Variants in NELL2 observed in about 807,000 individuals in gnomAD.
NELL2 encodes neural EGFL like 2, also known as protein kinase C-binding protein NELL2.
In NELL2, 41 loss-of-function variants were observed where a neutral mutation model predicts 109.6. That is an observed-to-expected ratio of 0.37 (90% confidence interval 0.29 to 0.49). The LOEUF is 0.49. NELL2 is among the 20% of genes least tolerant of loss of function. NELL2 has a pLI of 0.98. For synonymous variants in NELL2, 355 were observed against 344.7 expected, an observed-to-expected ratio of 1.03 and a Z score of -0.33; for missense variants, 900 against 1,008.3, an observed-to-expected ratio of 0.89 and a Z score of 1.45.
rs781308887 is a variant in NELL2, at chr12:44,885,973, CAT to C, written c.39-10075_39-10074del. On this transcript the variant is annotated intron_variant, in intron 1 of 20. Transcript: ENST00000333837. ...ATAAAGTAAAGAGCATAGGAATAGA[CAT>C]ATATATATATAATGGTTAATTGATT... is the stretch of plus-strand genomic sequence containing the variant. Among the ~76,000 whole-genome samples, 1,478 of 150,618 alleles carry C rather than the reference CAT, an allele frequency of 9.8e-3. 41 individuals are homozygous for C. The highest frequency in any genetic ancestry group is 0.033 in the African/African-American group (1,371 of 40,944).
chr12:44,877,007 G>C (rs1945348024), upstream of NELL2: 2 of 547,996 alleles, frequency 3.6e-6, no homozygotes, highest in Non-Finnish European at 5.0e-6. Context: ...GACAGCTCCG[G>C]AACCCGCGCG....
At chr12:44,915,961 A>G (rs574015915), upstream of NELL2, among the ~76,000 whole-genome samples, 1 of 152,342 alleles carries the variant, frequency 6.6e-6, no homozygotes, top group Non-Finnish European at 1.5e-5. Flanking sequence ...GCCTAGGTTC[A>G]GAGTAGTCTA....
intron 9 of NELL2, among the ~76,000 whole-genome samples, chr12:44,729,952 A>G (rs1053775715): frequency 2.6e-5 from 4 of 151,980 alleles, no homozygotes. Flanking sequence ...CCCCACACTA[A>G]TTTTTGTATT....
intron 15 of NELL2, among the ~76,000 whole-genome samples, chr12:44,547,357 C>T (rs1212748627): frequency 1.3e-5 from 2 of 152,152 alleles, no homozygotes; most frequent in African/African-American, 4.8e-5. Context: ...AAATGGAATG[C>T]TATACAGCTT....
At chr12:44,513,027 T>C (rs1317392009) in intron 19 of NELL2, among the ~76,000 whole-genome samples, 1 of 152,022 alleles carries the variant, frequency 6.6e-6, no homozygotes, top group Admixed American at 6.6e-5. Flanking sequence ...ATTACCCTGA[T>C]CATTGCATAC....
At chr12:44,556,083 A>T (rs1422685287) in intron 15 of NELL2, among the ~76,000 whole-genome samples, 2 of 152,216 alleles carry the variant, frequency 1.3e-5, no homozygotes, top group Non-Finnish European at 2.9e-5. Context: ...ATAATACATA[A>T]GAGAAGGGAG....
At chr12:44,643,787 T>A (rs1946948591) in intron 13 of NELL2, among the ~76,000 whole-genome samples, 2 of 152,176 alleles carry the variant, frequency 1.3e-5, no homozygotes, top group South Asian at 4.1e-4. Flanking sequence ...TGGATAAATA[T>A]TATCCAAATT....
At chr12:44,560,484 A>C (rs1943430072) in intron 15 of NELL2, among the ~76,000 whole-genome samples, 1 of 152,166 alleles carries the variant, frequency 6.6e-6, no homozygotes, top group Non-Finnish European at 1.5e-5. Flanking sequence ...AATTAAAAAA[A>C]TGATAAAGGT....
At chr12:44,694,325 C>G (rs930630437) in intron 12 of NELL2, among the ~76,000 whole-genome samples, 2 of 152,026 alleles carry the variant, frequency 1.3e-5, no homozygotes, top group African/African-American at 4.8e-5. Flanking sequence ...TTCTCCTAAC[C>G]TCGGACTGGA....
intron 12 of NELL2, among the ~76,000 whole-genome samples, chr12:44,690,648 G>C (rs1416132803): frequency 6.6e-6 from 1 of 152,106 alleles, no homozygotes; most frequent in Non-Finnish European, 1.5e-5. Context: ...TGGAAAATGG[G>C]CAGAGATTTT....
intron 9 of NELL2, among the ~76,000 whole-genome samples, chr12:44,748,481 T>C (rs1439273772): frequency 6.6e-6 from 1 of 152,140 alleles, no homozygotes; most frequent in Non-Finnish European, 1.5e-5. Flanking sequence ...ACAGACTTTG[T>C]TATATGTTAA....
At chr12:44,898,604 C>T (rs1379294993) in intron 1 of NELL2, among the ~76,000 whole-genome samples, 1 of 152,152 alleles carries the variant, frequency 6.6e-6, no homozygotes, top group Non-Finnish European at 1.5e-5. Context: ...ATCCAAAGGT[C>T]ACCAACATCA....
At chr12:44,514,682 T>C (rs144119336) in intron 19 of NELL2, among the ~76,000 whole-genome samples, 3 of 151,548 alleles carry the variant, frequency 2.0e-5, no homozygotes, top group African/African-American at 7.2e-5. Flanking sequence ...GGAACGTATA[T>C]CCCTTGTGGA....
intron 9 of NELL2, among the ~76,000 whole-genome samples, chr12:44,740,166 C>T (rs941757656): frequency 3.3e-5 from 5 of 152,210 alleles, no homozygotes; most frequent in Non-Finnish European, 7.4e-5. Flanking sequence ...GGCGTGTGAC[C>T]CAATTCTGGC....
At chr12:44,820,161 C>A (rs902598051) in intron 2 of NELL2, among the ~76,000 whole-genome samples, 4 of 152,170 alleles carry the variant, frequency 2.6e-5, no homozygotes, top group African/African-American at 9.7e-5. Flanking sequence ...CCAACCCTTA[C>A]CTCACCCTAA....
At chr12:44,906,306 A>G (rs892824100) in intron 1 of NELL2, among the ~76,000 whole-genome samples, 3 of 152,212 alleles carry the variant, frequency 2.0e-5, no homozygotes, top group African/African-American at 7.2e-5. Context: ...AATTATGTGA[A>G]TTTTATGAGT....
chr12:44,843,852 G>A (rs954001700), intron 2 of NELL2, among the ~76,000 whole-genome samples: 5 of 151,942 alleles, frequency 3.3e-5, no homozygotes, highest in Non-Finnish European at 7.4e-5. Context: ...TGAAACCCTG[G>A]CTCTATGAAA....
At chr12:44,780,176 A>G (rs932142111) in intron 3 of NELL2, among the ~76,000 whole-genome samples, 154 bp from the exon 4 acceptor site, 1 of 152,154 alleles carries the variant, frequency 6.6e-6, no homozygotes, top group Non-Finnish European at 1.5e-5. Context: ...AGAAGAATCT[A>G]GAAGATAGAG....
At chr12:44,528,962 T>C (rs774233158) in intron 16 of NELL2, among the ~76,000 whole-genome samples, 4 of 152,176 alleles carry the variant, frequency 2.6e-5, no homozygotes, top group Non-Finnish European at 4.4e-5. Flanking sequence ...AGGATGCATA[T>C]CATGTGAGCC....
Sources: gnomAD v4.1 joint callset for allele counts (sites outside exome capture counted in the v4.1 genomes callset) on GRCh38, gnomAD v4.1.1 for gene constraint, MANE v1.5 for transcripts, NCBI Gene and HGNC (gene_info 2026-07-23, HGNC 2026-07-21) for gene names.